The following EXT1 variants were observed in gnomAD, a reference collection of about 807,000 sequenced individuals.
EXT1 encodes the protein exostosin glycosyltransferase 1.
EXT1 carries 20 observed loss-of-function variants against 82.5 expected under a neutral mutation model. That is an observed-to-expected ratio of 0.24 (90% confidence interval 0.17 to 0.35). EXT1 has a LOEUF of 0.35. Ranked by LOEUF, EXT1 falls within the 10% of genes least tolerant of loss-of-function variation. The pLI is 1.00. For synonymous variants in EXT1, 348 were observed against 350.8 expected, an observed-to-expected ratio of 0.99 and a Z score of 0.09; for missense variants, 757 against 936.5, an observed-to-expected ratio of 0.81 and a Z score of 2.50.
chr8:117,988,491 G>A (rs1815365348), intron 1 of EXT1, among the ~76,000 whole-genome samples: 1 of 152,146 alleles, frequency 6.6e-6, no homozygotes, highest in Non-Finnish European at 1.5e-5. Flanking sequence ...AAGACGCTCA[G>A]ACCACACTTT....
chr8:117,952,117 G>A (rs576885222), intron 1 of EXT1, among the ~76,000 whole-genome samples: 3 of 152,256 alleles, frequency 2.0e-5, no homozygotes, highest in Admixed American at 6.5e-5. Context: ...ACAGCTCCTA[G>A]TGGCTTCCAA....
At chr8:118,108,404 A>G (rs1475648270) in intron 1 of EXT1, among the ~76,000 whole-genome samples, 1 of 152,218 alleles carries the variant, frequency 6.6e-6, no homozygotes, top group Non-Finnish European at 1.5e-5. Context: ...CAGACAAAGA[A>G]ATTCCTGAAA....
chr8:118,103,715 C>T (rs1817762235), intron 1 of EXT1, among the ~76,000 whole-genome samples: 1 of 152,142 alleles, frequency 6.6e-6, no homozygotes. Flanking sequence ...GTCACACAGA[C>T]AGAATGCTAA....
At chr8:117,804,675 G>T (rs1414523844) in intron 10 of EXT1, 47 bp downstream of exon 10, 6 of 1,608,444 alleles carry the variant, frequency 3.7e-6, no homozygotes, top group South Asian at 1.1e-5. Context: ...ACCTGGGGCT[G>T]AACCACCAGT....
chr8:117,866,793 CAAAAAAA>C (rs10709657), intron 1 of EXT1, among the ~76,000 whole-genome samples: 25 of 91,832 alleles, frequency 2.7e-4, no homozygotes, highest in African/African-American at 7.3e-4. Flanking sequence ...CTGGCCTACC[CAAAAAAA>C]AAAAAAAAAA....
chr8:117,997,925 A>T (rs1455396575), intron 1 of EXT1, among the ~76,000 whole-genome samples: 1 of 152,010 alleles, frequency 6.6e-6, no homozygotes, highest in Non-Finnish European at 1.5e-5. Flanking sequence ...TTCATGGTTC[A>T]GTTTTATGCT....
At chr8:118,070,219 T>C (rs1817063834) in intron 1 of EXT1, among the ~76,000 whole-genome samples, 2 of 144,500 alleles carry the variant, frequency 1.4e-5, no homozygotes, top group South Asian at 4.6e-4. Context: ...AAGGACATCA[T>C]AAATTTCTGT....
chr8:117,948,374 ACTTAT>A (rs1338025620), intron 1 of EXT1, among the ~76,000 whole-genome samples: 2 of 150,816 alleles, frequency 1.3e-5, no homozygotes, highest in African/African-American at 2.4e-5. Context: ...TGCTAACTTT[ACTTAT>A]CTTAAGTGAC....
At chr8:117,937,653 T>A (rs960845417) in intron 1 of EXT1, among the ~76,000 whole-genome samples, 1 of 152,114 alleles carries the variant, frequency 6.6e-6, no homozygotes, top group Non-Finnish European at 1.5e-5. Context: ...GACTGTAAGG[T>A]TTTTCCCCTG....
At chr8:117,919,651 C>A (rs1263516509) in intron 1 of EXT1, among the ~76,000 whole-genome samples, 1 of 151,862 alleles carries the variant, frequency 6.6e-6, no homozygotes, top group Admixed American at 6.6e-5. Flanking sequence ...ACCACAGGCA[C>A]GTGCTACTAT....
At chr8:117,842,899 A>G (rs1812295442) in intron 1 of EXT1, among the ~76,000 whole-genome samples, 1 of 152,152 alleles carries the variant, frequency 6.6e-6, no homozygotes, top group African/African-American at 2.4e-5. Context: ...TTTGCTAACC[A>G]AAGACGATAG....
intron 1 of EXT1, among the ~76,000 whole-genome samples, chr8:117,882,326 G>A (rs539713633): frequency 1.9e-4 from 29 of 152,146 alleles, no homozygotes; most frequent in African/African-American, 5.1e-4. Context: ...CAAGTGATCC[G>A]CCCGCCTTGG....
intron 6 of EXT1, 49 bp from the exon 7 acceptor site, chr8:117,818,579 T>C (rs1232052970): frequency 2.1e-6 from 3 of 1,436,316 alleles, no homozygotes; most frequent in Admixed American, 3.3e-5. Flanking sequence ...TGTATTTATG[T>C]ATGCCTCCAA....
chr8:117,948,460 A>C (rs1814430449), intron 1 of EXT1, among the ~76,000 whole-genome samples: 1 of 152,088 alleles, frequency 6.6e-6, no homozygotes, highest in South Asian at 2.1e-4. Flanking sequence ...AGGATCACGG[A>C]CTCCATTCAG....
chr8:118,073,309 G>A (rs1051786339), intron 1 of EXT1, among the ~76,000 whole-genome samples: 2 of 152,184 alleles, frequency 1.3e-5, no homozygotes, highest in African/African-American at 4.8e-5. Context: ...GCATGCTGTG[G>A]ACGGCATTCA....
intron 10 of EXT1, 36 bp from the exon 11 acceptor site, chr8:117,799,933 A>C: frequency 6.2e-7 from 1 of 1,606,128 alleles, no homozygotes; most frequent in Non-Finnish European, 8.5e-7. Flanking sequence ...TAATGATGAG[A>C]GAAGTGCAAG....
At chr8:117,900,932 G>A (rs1044653102) in intron 1 of EXT1, among the ~76,000 whole-genome samples, 7 of 152,242 alleles carry the variant, frequency 4.6e-5, no homozygotes, top group African/African-American at 1.7e-4. Context: ...CAAGCACTAA[G>A]AGCATTCTCC....
chr8:117,950,153 A>C (rs1243858612), intron 1 of EXT1, among the ~76,000 whole-genome samples: 1 of 152,190 alleles, frequency 6.6e-6, no homozygotes, highest in African/African-American at 2.4e-5. Context: ...AGGCATGAGA[A>C]TCGCTTGAAC....
intron 1 of EXT1, among the ~76,000 whole-genome samples, chr8:118,005,790 C>A (rs1815763352): frequency 6.6e-6 from 1 of 152,152 alleles, no homozygotes; most frequent in Non-Finnish European, 1.5e-5. Context: ...GGAAAAGGAC[C>A]ATCCAGGAAA....
Sources: allele counts gnomAD v4.1 joint callset (sites outside exome capture counted in the v4.1 genomes callset), GRCh38; gene constraint gnomAD v4.1.1; transcripts MANE v1.5; gene names NCBI Gene and HGNC (gene_info 2026-07-23, HGNC 2026-07-21).